The following MYMK variants were observed in gnomAD, a reference collection of about 807,000 sequenced individuals.
MYMK encodes myomaker, myoblast fusion factor, also known as protein myomaker.
In MYMK, 16 loss-of-function variants were observed where a neutral mutation model predicts 22.4. That is an observed-to-expected ratio of 0.72 (90% CI 0.48 to 1.09). MYMK has a LOEUF of 1.09. MYMK is among the 50% of genes least tolerant of loss of function. The probability of loss-of-function intolerance (pLI) is 0.00; values close to 1 mark genes in which losing one functional copy is unlikely to be tolerated. For synonymous variants in MYMK, 125 were observed against 127.0 expected, an observed-to-expected ratio of 0.98 and a Z score of 0.11; for missense variants, 250 against 295.6, an observed-to-expected ratio of 0.85 and a Z score of 1.13.
In MYMK at chr9:133,524,836, C is replaced by T. The variant is rs745902010; in HGVS notation, c.9G>A (p.Thr3=). 2.4e-5 allele frequency: 39 copies of T among 1,609,708 alleles called. No homozygotes were observed. The highest frequency in any genetic ancestry group is 3.1e-5 in the Non-Finnish European group (37 of 1,177,908). The part of the protein sequence containing the change: MG[T]LVAKLLLPTL... ...TGGGCAGGAGCAGCTTGGCCACCAG[C>T]GTCCCCATGGGCCAGGAGGAAAGCA... Residue 3 remains threonine (T), a synonymous_variant, in exon 1 of 5, where the codon ACG becomes ACA. Coordinates refer to ENST00000339996, the MANE Select transcript of MYMK (RefSeq NM_001080483.3).
Position 133,519,022 on chromosome 9 carries a change from G to A in MYMK, c.251C>T (p.Ala84Val). 6.2e-7 allele frequency: 1 copy of A among 1,613,734 alleles called. No homozygotes were observed. The highest frequency in any genetic ancestry group is 8.5e-7 in the Non-Finnish European group (1 of 1,179,988). Reference protein sequence around the residue: ...TALSMWVSLMALADFDEPKRS... With the variant: ...TALSMWVSLMVLADFDEPKRS... Reference sequence around the variant, plus strand: ...CTTGGGTTCGTCGAAGTCGGCCAGTGCTGGAGGGGCCAGGGAGACACAGGG... The same window carrying A: ...CTTGGGTTCGTCGAAGTCGGCCAGTACTGGAGGGGCCAGGGAGACACAGGG... The change falls in exon 3 of 5, where the codon GCA becomes GTA. Residue 84 changes from alanine to valine, a missense_variant and splice_region_variant. Transcript: ENST00000339996.
Position 133,524,949 on chromosome 9 carries a change from T to C in MYMK, c.-105A>G. The C allele has an allele frequency of 7.4e-7, 1 of 1,353,518 alleles. No homozygotes were observed. The highest frequency in any genetic ancestry group is 1.0e-6 in the Non-Finnish European group (1 of 999,136). The allele number at this position is 1,353,518 out of a possible 1,614,324, so 83.8% of individuals were successfully genotyped here. ...GGCCAGCTCCCTTTGGGCAGGGCTC[T>C]GATGGCAGCTGCGGGGAGCACCCAC... On this transcript the variant is annotated 5_prime_UTR_variant, in exon 1 of 5. Transcript: ENST00000339996.
Position 133,515,824 on chromosome 9 carries a change from G to T in MYMK, c.400-217C>A, listed in dbSNP as rs892126865. ...CCCAGCAGAGACCCCAGCCTGGATG[G>T]CTGGGAAGGAAGCCACTGGGCCATG... On this transcript the variant is annotated intron_variant, in intron 3 of 4. Transcript: ENST00000339996. This position sits in a 1 kb window ranked among gnomAD's most constrained non-coding sequence, Gnocchi z 5.8. Among the ~76,000 whole-genome samples the T allele has an allele frequency of 6.6e-6, 1 of 152,176 alleles. No individual in the cohort carries two copies. The highest frequency in any genetic ancestry group is 1.9e-4 in the East Asian group (1 of 5,186).
In MYMK at chr9:133,514,649, C is replaced by T. The variant is rs1419667469; in HGVS notation, c.653G>A (p.Cys218Tyr). 1 of 1,613,534 alleles carries T rather than the reference C, an allele frequency of 6.2e-7. No homozygotes were observed. The highest frequency in any genetic ancestry group is 1.1e-5 in the South Asian group (1 of 91,058). ...PAKLDCSTLC[C>Y]ACV ...CTGGGCGCAGCATCAGACACAAGCA[C>T]AGCACAGGGTGGAGCAGTCCAGCTT... The change falls in exon 5 of 5, where the codon TGT becomes TAT. Residue 218 changes from cysteine to tyrosine, a missense_variant. By Grantham distance (194) the Cys-to-Tyr change is radical. Transcript: ENST00000339996.
chr9:133,524,563 C>A (rs1359600030), intron 1 of MYMK, 147 bp downstream of exon 1: 12 of 1,182,674 alleles, frequency 1.0e-5, no homozygotes, highest in Non-Finnish European at 1.4e-5. Context: ...CCTCTCTCTT[C>A]AGTCTCCAGA....
At chr9:133,516,111 C>T (rs1415664705) in intron 3 of MYMK, among the ~76,000 whole-genome samples, 1 of 152,238 alleles carries the variant, frequency 6.6e-6, no homozygotes, top group Non-Finnish European at 1.5e-5. Flanking sequence ...ACAAACTTGG[C>T]CAGCACTGCT....
Position 133,519,009 on chromosome 9 carries a change from G to A in MYMK, c.264C>T (p.Phe88=), listed in dbSNP as rs567444721. Residue 88 remains phenylalanine, a synonymous_variant, in exon 3 of 5, where the codon TTC becomes TTT. Coordinates refer to ENST00000339996, the MANE Select transcript of MYMK (RefSeq NM_001080483.3). ...CAAATGTTGACCTCTTGGGTTCGTCGAAGTCGGCCAGTGCTGGAGGGGCCA... is the reference window on the plus strand; with the variant it reads ...CAAATGTTGACCTCTTGGGTTCGTCAAAGTCGGCCAGTGCTGGAGGGGCCA... The part of the protein sequence containing the change: ...MWVSLMALAD[F]DEPKRSTFVM... The A allele has an allele frequency of 1.1e-5, 18 of 1,613,854 alleles. No individual in the cohort carries two copies. The South Asian group carries it at 1.2e-4, about 11-fold the overall frequency.
At chr9:133,519,058 G>A in intron 2 of MYMK, 36 bp from the exon 3 acceptor site, 1 of 1,611,956 alleles carries the variant, frequency 6.2e-7, no homozygotes, top group Admixed American at 1.7e-5. Flanking sequence ...GGAGGTGAGT[G>A]GTCTCTCTTG....
chr9:133,520,858 C>T (rs1279921628), intron 1 of MYMK, among the ~76,000 whole-genome samples: 2 of 152,148 alleles, frequency 1.3e-5, no homozygotes, highest in African/African-American at 4.8e-5. Context: ...GGCATCAGAA[C>T]GCCTGGGGCC....
At position 133,521,700 on chromosome 9, in the gene MYMK, G is replaced by T. The variant is rs80304387; in HGVS notation, c.136-1412C>A. Among the ~76,000 whole-genome samples, 90 of 152,248 alleles carry T rather than the reference G, an allele frequency of 5.9e-4. 1 individual carries two copies. Among genetic ancestry groups the T allele is most frequent in the African/African-American group, 2.0e-3 (83 of 41,526 alleles). On this transcript the variant is annotated intron_variant, in intron 1 of 4. Transcript: ENST00000339996. ...ACATGACTGTTTACCTTGGGGACAG[G>T]GAAGCTTCAGGAGGGGCCTGATCAA... is the stretch of plus-strand genomic sequence containing the variant.
Position 133,518,862 on chromosome 9 carries a change from C to G in MYMK, c.399+12G>C, listed in dbSNP as rs11562628. 8 of 1,608,480 alleles carry G rather than the reference C, an allele frequency of 5.0e-6. No homozygotes were observed. In the African/African-American group the frequency reaches 8.0e-5, roughly 16 times the overall value. ...CTGGGTCCCCGTTCATCGAGGCTCG[C>G]GCAGTACGCACCCACTTTGCCGCGA... is the stretch of plus-strand genomic sequence containing the variant. On this transcript the variant is annotated intron_variant, in intron 3 of 4. Transcript: ENST00000339996.
At chr9:133,517,835 C>A (rs1844650310) in intron 3 of MYMK, among the ~76,000 whole-genome samples, 1 of 152,194 alleles carries the variant, frequency 6.6e-6, no homozygotes, top group South Asian at 2.1e-4. Context: ...AAGCTGCCCA[C>A]CAGAACTCGA....
At chr9:133,517,709 C>CGGTGGCACCGT (rs1844648812) in intron 3 of MYMK, among the ~76,000 whole-genome samples, 1 of 151,814 alleles carries the variant, frequency 6.6e-6, no homozygotes, top group Non-Finnish European at 1.5e-5. Context: ...CCGCCACTGC[C>CGGTGGCACCGT]CTGCCATGAC....
chr9:133,523,946 A>AAG (rs1171841192), intron 1 of MYMK, among the ~76,000 whole-genome samples: 1 of 151,238 alleles, frequency 6.6e-6, no homozygotes, highest in East Asian at 1.9e-4. Context: ...GAGACCCAGA[A>AAG]AGAGAGAGAG....
At chr9:133,520,429 C>T in intron 1 of MYMK, 141 bp from the exon 2 acceptor site, 1 of 671,884 alleles carries the variant, frequency 1.5e-6, no homozygotes, top group South Asian at 1.8e-5. Flanking sequence ...CCTCAGTCTC[C>T]CCGTCTGAAA....
At chr9:133,514,901 T>A in intron 4 of MYMK, 116 bp from the exon 5 acceptor site, 3 of 1,182,284 alleles carry the variant, frequency 2.5e-6, no homozygotes, top group Non-Finnish European at 3.5e-6. Flanking sequence ...CTGGGACACC[T>A]GCAGGAAGCC....
At chr9:133,522,569 C>T (rs1028125807) in intron 1 of MYMK, among the ~76,000 whole-genome samples, 2 of 152,138 alleles carry the variant, frequency 1.3e-5, no homozygotes, top group South Asian at 4.1e-4. Flanking sequence ...CTGGGTGGGG[C>T]AGGGTGGGGC....
rs1844685408 is a variant in MYMK at position 133,520,236 on chromosome 9, T to G, written c.188A>C (p.His63Pro). ...PGLSVLCFMR[H>P]DILEYFSVYG... ...GACACTGAAATACTCCAGGATGTCGTGACGCATGAAGCACAGCACAGACAA... is the reference window on the plus strand; with the variant it reads ...GACACTGAAATACTCCAGGATGTCGGGACGCATGAAGCACAGCACAGACAA... The change falls in exon 2 of 5, where the codon CAC (histidine) becomes CCC (proline). Residue 63 changes from histidine (H) to proline (P), a missense_variant. His to Pro is a moderately conservative substitution (Grantham distance 77). Transcript: ENST00000339996. 1 of 1,613,928 alleles carries G rather than the reference T, an allele frequency of 6.2e-7. No individual in the cohort carries two copies.
rs1245825892 is a variant in MYMK, at chr9:133,514,619, C to A, written c.*17G>T. 3.1e-6 allele frequency: 5 copies of A among 1,608,302 alleles called. No individual in the cohort carries two copies. The highest frequency in any genetic ancestry group is 3.4e-6 in the Non-Finnish European group (4 of 1,176,900). On this transcript the variant is annotated 3_prime_UTR_variant, in exon 5 of 5. Transcript: ENST00000339996. ...AGCTGGGGAGGGCAGGGGCTCAGAG[C>A]CGGGCTGGGCGCAGCATCAGACACA...
Sources: gnomAD v4.1 joint callset for allele counts (sites outside exome capture counted in the v4.1 genomes callset) on GRCh38, gnomAD v4.1.1 for gene constraint, Gnocchi (gnomAD v3.1) non-coding constraint, MANE v1.5 for transcripts, NCBI Gene and HGNC (gene_info 2026-07-23, HGNC 2026-07-21) for gene names.